Variants in CNIH3 observed in about 807,000 individuals in gnomAD.
CNIH3 encodes cornichon family AMPA receptor auxiliary protein 3.
Under a neutral mutation model 24.1 loss-of-function variants are expected in CNIH3, and 14 were observed. The observed-to-expected ratio is 0.58, with a 90% CI of 0.38 to 0.91. The LOEUF (loss-of-function observed/expected upper bound fraction) is 0.91, where lower values mean the gene tolerates loss of function less well. Ranked by LOEUF, CNIH3 falls within the 40% of genes least tolerant of loss-of-function variation. CNIH3 has a pLI of 0.00. For missense variants in CNIH3, 178 were observed against 196.8 expected (o/e 0.90, Z 0.57); for synonymous variants, 68 against 73.8 (o/e 0.92, Z 0.40).
chr1:224,442,370 G>T (rs1014353564), intron 1 of CNIH3, among the ~76,000 whole-genome samples: 1 of 152,134 alleles, frequency 6.6e-6, no homozygotes, highest in African/African-American at 2.4e-5. Flanking sequence ...GAAAAATAAG[G>T]ATGTACATTT....
intron 1 of CNIH3, among the ~76,000 whole-genome samples, chr1:224,484,201 C>T (rs539647767): frequency 2.7e-5 from 4 of 148,804 alleles, no homozygotes; most frequent in South Asian, 2.1e-4. Context: ...GAGGCCGAGG[C>T]GGGCAGATCA....
At chr1:224,513,814 C>G (rs1678268578), upstream of CNIH3, 1 of 152,244 alleles carries the variant, frequency 6.6e-6, no homozygotes, top group African/African-American at 2.4e-5. Flanking sequence ...CTCACACGAC[C>G]ATTGAGAGGC....
chr1:224,580,053 A>G (rs10916647), intron 4 of CNIH3, among the ~76,000 whole-genome samples: 24,465 of 152,032 alleles, frequency 0.16, 2,374 homozygotes, highest in African/African-American at 0.26. Context: ...CATGTTTTTA[A>G]TATGTTATCC....
intron 2 of CNIH3, among the ~76,000 whole-genome samples, chr1:224,683,665 A>G (rs574212535): frequency 6.6e-6 from 1 of 152,230 alleles, no homozygotes; most frequent in Non-Finnish European, 1.5e-5. Context: ...AGGAGGAGGA[A>G]TGCTCGGTTT....
chr1:224,591,702 A>G (rs1359065426), downstream of CNIH3, among the ~76,000 whole-genome samples: 1 of 152,214 alleles, frequency 6.6e-6, no homozygotes, highest in Non-Finnish European at 1.5e-5. Flanking sequence ...CCAGGAAGCC[A>G]GCATCCCTAG....
chr1:224,554,550 G>T lies in CNIH3; in HGVS notation n.450+7611G>T, dbSNP rs147168879. Among the ~76,000 whole-genome samples the T allele has an allele frequency of 4.0e-3, 607 of 151,844 alleles. 1 individual carries two copies. Among genetic ancestry groups the T allele is most frequent in the African/African-American group, 0.014 (573 of 41,398 alleles). Reference sequence around the variant, plus strand: ...ATTCCCTAAACAATATAGTATTATAGTATAATAACAGCAATTTTTGTAGGT... The same window carrying T: ...ATTCCCTAAACAATATAGTATTATATTATAATAACAGCAATTTTTGTAGGT... On this transcript the variant is annotated intron_variant and non_coding_transcript_variant, in intron 3 of 5. Transcript: ENST00000471578.
intron 3 of CNIH3, among the ~76,000 whole-genome samples, chr1:224,727,479 A>T (rs1689093605): frequency 6.6e-6 from 1 of 152,168 alleles, no homozygotes; most frequent in African/African-American, 2.4e-5. Flanking sequence ...AGAATTTTGT[A>T]TCAGCCGTTA....
chr1:224,635,898 A>G (rs766655439), intron 1 of CNIH3, among the ~76,000 whole-genome samples: 8 of 151,972 alleles, frequency 5.3e-5, no homozygotes, highest in Non-Finnish European at 1.0e-4. Context: ...CTTTCTAGAA[A>G]TGGGGGGGTC....
intron 3 of CNIH3, among the ~76,000 whole-genome samples, chr1:224,549,399 CAG>C (rs1223119622): frequency 6.6e-6 from 1 of 151,830 alleles, no homozygotes. Flanking sequence ...ATTAATATCA[CAG>C]TGTGTATACA....
chr1:224,655,187 TTC>T, intron 1 of CNIH3, among the ~76,000 whole-genome samples: 1 of 139,354 alleles, frequency 7.2e-6, no homozygotes, highest in South Asian at 2.3e-4. Flanking sequence ...TGGGGCTGTC[TTC>T]TGAAGGAGCT....
intron 1 of CNIH3, among the ~76,000 whole-genome samples, chr1:224,499,609 C>T (rs1317346672): frequency 6.6e-6 from 1 of 152,186 alleles, no homozygotes; most frequent in East Asian, 1.9e-4. Context: ...TAGAATGGGG[C>T]AAGGAAAGCC....
At chr1:224,688,966 T>G (rs1686798883) in intron 3 of CNIH3, among the ~76,000 whole-genome samples, 1 of 152,032 alleles carries the variant, frequency 6.6e-6, no homozygotes, top group African/African-American at 2.4e-5. Flanking sequence ...AAATTGAATT[T>G]AACTCAATAT....
chr1:224,674,178 C>T (rs917383783), intron 1 of CNIH3, among the ~76,000 whole-genome samples: 1 of 151,072 alleles, frequency 6.6e-6, no homozygotes, highest in African/African-American at 2.4e-5. Context: ...GAAAACCAGC[C>T]TTTCCTAATG....
chr1:224,660,680 A>T (rs773635702), intron 1 of CNIH3, among the ~76,000 whole-genome samples: 6 of 152,214 alleles, frequency 3.9e-5, no homozygotes, highest in African/African-American at 7.2e-5. Context: ...CACAAGTAGA[A>T]AACATCCTTA....
intron 1 of CNIH3, among the ~76,000 whole-genome samples, chr1:224,650,346 C>T (rs773704763): frequency 7.9e-5 from 12 of 152,104 alleles, no homozygotes; most frequent in Non-Finnish European, 7.4e-5. Context: ...CTCGATCAAG[C>T]AGGGAGGCTG....
At chr1:224,661,996 A>G (rs949749509) in intron 1 of CNIH3, 6 of 153,116 alleles carry the variant, frequency 3.9e-5, no homozygotes, top group African/African-American at 1.4e-4. Flanking sequence ...ATTATATATT[A>G]GCTAGAATTC....
At chr1:224,687,743 G>C (rs1686731408) in intron 3 of CNIH3, among the ~76,000 whole-genome samples, 1 of 152,220 alleles carries the variant, frequency 6.6e-6, no homozygotes, top group Non-Finnish European at 1.5e-5. Flanking sequence ...AATACACTGA[G>C]ACGGTGGGAG....
At position 224,715,166 on chromosome 1, in the gene CNIH3, A is replaced by G. The variant is rs551700762; in HGVS notation, c.199-15296A>G. Reference sequence around the variant, plus strand: ...CTCAGCGTCACCAAATCCAGGGGGCATTTTTCATTCTGCGTGATATTCATC... The same window carrying G: ...CTCAGCGTCACCAAATCCAGGGGGCGTTTTTCATTCTGCGTGATATTCATC... On this transcript the variant is annotated intron_variant, in intron 3 of 5. Coordinates refer to ENST00000272133, the MANE Select transcript of CNIH3 (RefSeq NM_152495.2). Among the ~76,000 whole-genome samples the G allele has an allele frequency of 7.9e-5, 12 of 152,136 alleles. No individual in the cohort carries two copies. The South Asian group carries it at 2.3e-3, about 29-fold the overall frequency.
At chr1:224,723,059 C>T (rs183050058) in intron 3 of CNIH3, among the ~76,000 whole-genome samples, 33 of 152,304 alleles carry the variant, frequency 2.2e-4, no homozygotes, top group South Asian at 6.2e-4. Context: ...AGGGAAATGA[C>T]GGTGGGGCTA....
Sources: gnomAD v4.1 joint callset for allele counts (sites outside exome capture counted in the v4.1 genomes callset) on GRCh38, gnomAD v4.1.1 for gene constraint, MANE v1.5 for transcripts, NCBI Gene and HGNC (gene_info 2026-07-23, HGNC 2026-07-21) for gene names.